PTPRG: variants seen among roughly 807,000 people sequenced by gnomAD.
The protein encoded by PTPRG is receptor-type tyrosine-protein phosphatase gamma.
PTPRG carries 102 observed loss-of-function variants against 165.3 expected under a neutral mutation model. The observed-to-expected ratio is 0.62, with a 90% confidence interval of 0.53 to 0.73. The LOEUF (loss-of-function observed/expected upper bound fraction) is 0.73, where lower values mean the gene tolerates loss of function less well. Ranked by LOEUF, PTPRG falls within the 30% of genes least tolerant of loss-of-function variation. The pLI is 0.00. For synonymous variants in PTPRG, 675 were observed against 669.5 expected (o/e 1.01, Z -0.13); for missense variants, 1,866 against 1,861.4 (o/e 1.00, Z -0.05).
intron 2 of PTPRG, among the ~76,000 whole-genome samples, chr3:61,761,607 A>C (rs2033837590): frequency 6.6e-6 from 1 of 151,884 alleles, no homozygotes; most frequent in Non-Finnish European, 1.5e-5. Flanking sequence ...ACAAACAAAC[A>C]AACCGTCATC....
chr3:61,719,505 G>A (rs147067901), intron 1 of PTPRG, among the ~76,000 whole-genome samples: 37 of 152,264 alleles, frequency 2.4e-4, no homozygotes, highest in African/African-American at 7.5e-4. Flanking sequence ...TTTCCTCTGT[G>A]ATACAGCCTT....
At chr3:61,773,703 G>A (rs1244699579) in intron 2 of PTPRG, among the ~76,000 whole-genome samples, 1 of 151,792 alleles carries the variant, frequency 6.6e-6, no homozygotes, top group East Asian at 1.9e-4. Context: ...TCAAAAAAGA[G>A]CCTAGGATGC....
At position 61,676,471 on chromosome 3, in the gene PTPRG, A is replaced by AAAAAAAAAG. The variant is rs369505317; in HGVS notation, c.86-72404_86-72403insAAAAAGAAA. 2.0e-3 allele frequency among the ~76,000 whole-genome samples: 198 copies of AAAAAAAAAG among 99,034 alleles called. 26 individuals carry two copies. The highest frequency in any genetic ancestry group is 6.3e-3 in the Middle Eastern group (1 of 160). The allele number at this position is 99,034 out of a possible 152,430, so 65.0% of individuals were successfully genotyped here. On this transcript the variant is annotated intron_variant, in intron 1 of 29. Transcript: ENST00000474889. Reference sequence around the variant, plus strand: ...GACTCCATCTCAAAAAAAAAAAAAAAAAAGAAAATTACTAAAGTCTGTGAA... The same window carrying AAAAAAAAAG: ...GACTCCATCTCAAAAAAAAAAAAAAAAAAAAAAAGAAAGAAAATTACTAAAGTCTGTGAA...
intron 2 of PTPRG, among the ~76,000 whole-genome samples, chr3:61,871,544 G>A (rs1415501315): frequency 6.6e-6 from 1 of 152,128 alleles, no homozygotes; most frequent in Admixed American, 6.5e-5. Context: ...GACTCTCCCT[G>A]AGTGTTTGAT....
At chr3:62,047,330 G>C (rs1700327768) in intron 4 of PTPRG, among the ~76,000 whole-genome samples, 1 of 152,090 alleles carries the variant, frequency 6.6e-6, no homozygotes, top group Middle Eastern at 3.4e-3. Flanking sequence ...CATGATCTCA[G>C]CTCGCTGCAA....
chr3:61,609,728 G>A (rs1008841300), intron 1 of PTPRG, among the ~76,000 whole-genome samples: 13 of 152,000 alleles, frequency 8.6e-5, no homozygotes, highest in African/African-American at 2.7e-4. Context: ...GTGTGGTGGC[G>A]TGCACCTGTA....
At chr3:61,603,950 C>G (rs1419222356) in intron 1 of PTPRG, among the ~76,000 whole-genome samples, 1 of 152,164 alleles carries the variant, frequency 6.6e-6, no homozygotes, top group Non-Finnish European at 1.5e-5. Flanking sequence ...CCACAGTGAC[C>G]CTATTTCCAA....
intron 2 of PTPRG, among the ~76,000 whole-genome samples, chr3:61,752,802 G>GAAAAGAAAAAA (rs1553660820): frequency 1.5e-4 from 16 of 103,704 alleles, no homozygotes; most frequent in Admixed American, 3.1e-4. Flanking sequence ...AAAAAAAAAA[G>GAAAAGAAAAAA]AAAAAAAAAA....
chr3:61,743,248 T>C, intron 1 of PTPRG: 1 of 657,294 alleles, frequency 1.5e-6, no homozygotes, highest in East Asian at 2.8e-5. Context: ...TGAAAATACC[T>C]GTCACTCATT....
At chr3:62,121,918 G>A (rs1703089187) in intron 5 of PTPRG, among the ~76,000 whole-genome samples, 1 of 152,182 alleles carries the variant, frequency 6.6e-6, no homozygotes, top group Non-Finnish European at 1.5e-5. Flanking sequence ...ATCAAGGCCT[G>A]CCAGGAAAGA....
chr3:61,889,251 C>T (rs2038138202), intron 2 of PTPRG, among the ~76,000 whole-genome samples: 1 of 152,162 alleles, frequency 6.6e-6, no homozygotes, highest in South Asian at 2.1e-4. Context: ...TGTCATTCTA[C>T]TGGAAAGAAG....
intron 1 of PTPRG, among the ~76,000 whole-genome samples, chr3:61,611,408 G>T (rs2106873567): frequency 6.6e-6 from 1 of 152,226 alleles, no homozygotes; most frequent in South Asian, 2.1e-4. Context: ...CCCACTCAAT[G>T]TTAACTACCA....
Position 61,974,032 on chromosome 3 carries a change from C to A in PTPRG, c.191-15593C>A, listed in dbSNP as rs558508124. Among the ~76,000 whole-genome samples, 439 of 152,042 alleles carry A rather than the reference C, an allele frequency of 2.9e-3. 3 individuals carry two copies. Among genetic ancestry groups the A allele is most frequent in the Non-Finnish European group, 4.5e-3 (306 of 67,982 alleles). ...AACAGGTAGTTGAAGAACTGTGGAA[C>A]CAACACCACAGAGCCATACTCTAAG... On this transcript the variant is annotated intron_variant, in intron 2 of 29. Transcript: ENST00000474889.
At chr3:62,179,896 T>A (rs536741119) in intron 8 of PTPRG, among the ~76,000 whole-genome samples, 1 of 152,280 alleles carries the variant, frequency 6.6e-6, no homozygotes, top group African/African-American at 2.4e-5. Context: ...ACATTGGAGT[T>A]CATCCTACCA....
intron 15 of PTPRG, among the ~76,000 whole-genome samples, chr3:62,250,148 G>A (rs935419455): frequency 1.3e-5 from 2 of 151,870 alleles, no homozygotes; most frequent in Admixed American, 6.6e-5. Flanking sequence ...TAAATGCCAG[G>A]CACTCTTATA....
rs200857245 is a variant in PTPRG, at chr3:62,292,573, T to C, written c.4191+17T>C. 278 of 1,611,728 alleles carry C rather than the reference T, an allele frequency of 1.7e-4. 2 individuals are homozygous for C. The highest frequency in any genetic ancestry group is 3.5e-5 in the Non-Finnish European group (41 of 1,178,784). On this transcript the variant is annotated intron_variant, in intron 29 of 29. Coordinates refer to ENST00000474889, the MANE Select transcript of PTPRG (RefSeq NM_002841.4). Reference sequence around the variant, plus strand: ...ACAGACATTGTAAGTAGTTTGCTTATGTGTAAAACCTGTACTACATCAGTT... The same window carrying C: ...ACAGACATTGTAAGTAGTTTGCTTACGTGTAAAACCTGTACTACATCAGTT...
Position 62,195,158 on chromosome 3 carries a change from A to G in PTPRG, c.1315A>G (p.Met439Val). 5.0e-6 allele frequency: 8 copies of G among 1,614,126 alleles called. No individual in the cohort carries two copies. The highest frequency in any genetic ancestry group is 4.2e-6 in the Non-Finnish European group (5 of 1,179,988). ...CATGCGCAGCGACTTTAGCCAGACG[A>G]TGCTGTTTCAAGGTGAGGCTGGCTT... is the stretch of plus-strand genomic sequence containing the variant. ...NDMRSDFSQTMLFQANTTRIF... is the reference protein window; with the variant it reads ...NDMRSDFSQTVLFQANTTRIF... Residue 439 changes from methionine (M) to valine (V), a missense_variant, in exon 10 of 30, where the codon ATG (methionine) becomes GTG (valine). Physicochemically the swap from Met to Val is conservative, Grantham distance 21. Transcript: ENST00000474889. The surrounding 1 kb of genome is among the most constrained non-coding windows in gnomAD (Gnocchi z 4.4).
chr3:61,644,865 C>A (rs1038624910), intron 1 of PTPRG, among the ~76,000 whole-genome samples: 2 of 152,212 alleles, frequency 1.3e-5, no homozygotes, highest in African/African-American at 4.8e-5. Flanking sequence ...GCAATACACT[C>A]ATTTGTCTTA....
chr3:62,056,539 T>C (rs909796926), intron 4 of PTPRG, among the ~76,000 whole-genome samples: 7 of 152,214 alleles, frequency 4.6e-5, no homozygotes, highest in Admixed American at 1.3e-4. Flanking sequence ...ATACAAAACA[T>C]TGTATCTCAA....
Sources: gnomAD v4.1 joint callset for allele counts (sites outside exome capture counted in the v4.1 genomes callset) on GRCh38, gnomAD v4.1.1 for gene constraint, Gnocchi (gnomAD v3.1) non-coding constraint, MANE v1.5 for transcripts, NCBI Gene and HGNC (gene_info 2026-07-23, HGNC 2026-07-21) for gene names.